The following GSTA5 variants were observed in gnomAD, a reference collection of about 807,000 sequenced individuals.
GSTA5 encodes the protein glutathione S-transferase alpha 5.
In GSTA5, 25 loss-of-function variants were observed where a neutral mutation model predicts 21.8. The observed-to-expected ratio is 1.14, with a 90% CI of 0.83 to 1.60. The LOEUF (loss-of-function observed/expected upper bound fraction) is 1.60. GSTA5 is among the 40% of genes most tolerant of loss of function. The pLI is 0.00. For synonymous variants in GSTA5, 102 were observed against 89.5 expected, an observed-to-expected ratio of 1.14 and a Z score of -0.78; for missense variants, 330 against 259.2, an observed-to-expected ratio of 1.27 and a Z score of -1.88.
At chr6:52,838,825 T>C (rs945605522) in intron 1 of GSTA5, among the ~76,000 whole-genome samples, 3 of 152,226 alleles carry the variant, frequency 2.0e-5, no homozygotes, top group African/African-American at 4.8e-5. Flanking sequence ...AGCCTTAGAT[T>C]CTTAATCTGC....
At chr6:52,841,103 G>A (rs1182319752), upstream of GSTA5, among the ~76,000 whole-genome samples, 12 of 152,184 alleles carry the variant, frequency 7.9e-5, no homozygotes, top group Non-Finnish European at 1.3e-4. Flanking sequence ...ATGTACAGGA[G>A]TTAATGGAAG....
chr6:52,841,675 G>A (rs1764378909), upstream of GSTA5, among the ~76,000 whole-genome samples: 3 of 152,190 alleles, frequency 2.0e-5, no homozygotes, highest in Admixed American at 1.3e-4. Context: ...TTTGTTCAAC[G>A]TCAGTCATAC....
chr6:52,837,230 G>A (rs373327521), intron 2 of GSTA5, among the ~76,000 whole-genome samples: 8 of 152,200 alleles, frequency 5.3e-5, no homozygotes, highest in African/African-American at 1.7e-4. Context: ...GTTCTTGCGT[G>A]TGCTTGGATG....
exon 1 of GSTA5, chr6:52,840,744 C>T: frequency 1.2e-6 from 2 of 1,614,036 alleles, no homozygotes; most frequent in Non-Finnish European, 1.7e-6. Flanking sequence ...CCAGCTGCAG[C>T]CAGGAGCCAC....
intron 3 of GSTA5, among the ~76,000 whole-genome samples, chr6:52,835,936 G>A (rs1166230256): frequency 1.3e-5 from 2 of 152,120 alleles, no homozygotes; most frequent in Admixed American, 6.5e-5. Flanking sequence ...GAAGTTCTGA[G>A]TACCTGAATC....
chr6:52,836,255 C>A lies in GSTA5; in HGVS notation c.253G>T (p.Asp85Tyr), dbSNP rs567348269. 3 of 1,613,614 alleles carry A rather than the reference C, an allele frequency of 1.9e-6. No individual in the cohort carries two copies. The East Asian group carries it at 6.7e-5, about 36-fold the overall frequency. Residue 85 changes from aspartate to tyrosine, a missense_variant, in exon 3 of 6, where the codon GAC becomes TAC. By Grantham distance (160) the Asp-to-Tyr change is radical. Transcript: ENST00000370989. ...CCATACAGGGCTCTCTCCTTCATGTCTTTCCCATAAAGGTTGTATTTGCTG... is the reference window on the plus strand; with the variant it reads ...CCATACAGGGCTCTCTCCTTCATGTATTTCCCATAAAGGTTGTATTTGCTG...
intron 1 of GSTA5, among the ~76,000 whole-genome samples, chr6:52,840,219 A>G (rs1047084715): frequency 1.1e-4 from 16 of 152,354 alleles, no homozygotes; most frequent in Middle Eastern, 3.4e-3. Context: ...CCTAGAATCA[A>G]TAATTATCAA....
At chr6:52,839,101 T>A (rs1197295626) in intron 1 of GSTA5, among the ~76,000 whole-genome samples, 6 of 151,876 alleles carry the variant, frequency 4.0e-5, no homozygotes, top group African/African-American at 1.4e-4. Flanking sequence ...TAATAAGGCA[T>A]CCAGTTCAGG....
upstream of GSTA5, chr6:52,840,958 A>G (rs1764366550): frequency 7.3e-6 from 5 of 688,886 alleles, no homozygotes; most frequent in Middle Eastern, 4.1e-4. Context: ...GACTGGGTTG[A>G]AGGAGTTCCT....
At chr6:52,839,789 A>G (rs1346603688) in intron 1 of GSTA5, among the ~76,000 whole-genome samples, 1 of 152,134 alleles carries the variant, frequency 6.6e-6, no homozygotes, top group Non-Finnish European at 1.5e-5. Context: ...TCCCACAGAC[A>G]CCTCCAGGCA....
chr6:52,837,002 G>A (rs143858568), intron 2 of GSTA5, among the ~76,000 whole-genome samples: 3 of 152,274 alleles, frequency 2.0e-5, no homozygotes, highest in Non-Finnish European at 4.4e-5. Flanking sequence ...CAATAGGACT[G>A]GCAACAGGTG....
chr6:52,833,074 C>T (rs1261719023), intron 4 of GSTA5, 84 bp from the exon 5 acceptor site: 7 of 1,500,922 alleles, frequency 4.7e-6, no homozygotes, highest in Non-Finnish European at 6.5e-6. Flanking sequence ...TCCACCCTGA[C>T]TTTTCCCACC....
intron 1 of GSTA5, 144 bp from the exon 2 acceptor site, chr6:52,837,753 C>T: frequency 1.7e-6 from 1 of 579,604 alleles, no homozygotes; most frequent in Non-Finnish European, 3.0e-6. Context: ...TGGTAATGGC[C>T]ATTTGGAAGT....
chr6:52,840,723 C>T lies in GSTA5; in HGVS notation c.87+4G>A, dbSNP rs1158722917. The T allele has an allele frequency of 1.2e-6, 2 of 1,613,388 alleles. No individual in the cohort carries two copies. Among genetic ancestry groups the T allele is most frequent in the Admixed American group, 1.7e-5 (1 of 59,954 alleles). Reference sequence around the variant, plus strand: ...AACTTAAGATGACCTTACTCAGAACCTACCTCTACTCCAGCTGCAGCCAGG... The same window carrying T: ...AACTTAAGATGACCTTACTCAGAACTTACCTCTACTCCAGCTGCAGCCAGG... On this transcript the variant is annotated splice_donor_region_variant and intron_variant, in intron 1 of 5. Transcript: ENST00000370989.
At position 52,838,419 on chromosome 6, in the gene GSTA5, A is replaced by G. The variant is rs576037131; in HGVS notation, c.88-810T>C. ...TTACAAGGTCATGCAAAGCACTTAG[A>G]AAAGTAGCAGGTGTATAGTAACTGC... On this transcript the variant is annotated intron_variant, in intron 1 of 5. Coordinates refer to ENST00000370989, the Ensembl canonical transcript of GSTA5. Among the ~76,000 whole-genome samples the G allele has an allele frequency of 3.5e-4, 53 of 152,382 alleles. No individual in the cohort carries two copies. In the South Asian group the frequency reaches 0.01, roughly 29 times the overall value.
exon 6 of GSTA5, chr6:52,831,884 T>G: frequency 6.2e-7 from 1 of 1,614,052 alleles, no homozygotes; most frequent in Non-Finnish European, 8.5e-7. Context: ...CTTCTAAAGA[T>G]TTCTCATCCA....
chr6:52,832,880 G>A (rs750965370), exon 5 of GSTA5: 4 of 1,613,932 alleles, frequency 2.5e-6, no homozygotes, highest in Non-Finnish European at 3.4e-6. Context: ...GGAAGCTGGA[G>A]ATAAGACTCG....
At chr6:52,833,288 C>CCG (rs112365499) in intron 4 of GSTA5, among the ~76,000 whole-genome samples, 3 of 151,858 alleles carry the variant, frequency 2.0e-5, no homozygotes, top group Non-Finnish European at 4.4e-5. Flanking sequence ...GCACCTGCCT[C>CCG]CATGTGTTCT....
At chr6:52,840,309 G>A (rs1229569292) in intron 1 of GSTA5, among the ~76,000 whole-genome samples, 1 of 152,098 alleles carries the variant, frequency 6.6e-6, no homozygotes, top group African/African-American at 2.4e-5. Context: ...AGATCCATAT[G>A]ATTAATCCTT....
Sources: gnomAD v4.1 joint callset for allele counts (sites outside exome capture counted in the v4.1 genomes callset) on GRCh38, gnomAD v4.1.1 for gene constraint, MANE v1.5 for transcripts, NCBI Gene and HGNC (gene_info 2026-07-23, HGNC 2026-07-21) for gene names.